ESR1: variants seen among roughly 807,000 people sequenced by gnomAD.
The protein encoded by ESR1 is estrogen receptor.
In ESR1, 12 loss-of-function variants were observed where a neutral mutation model predicts 52.7. That is an observed-to-expected ratio of 0.23 (90% CI 0.15 to 0.37). The LOEUF is 0.37. ESR1 is among the 10% of genes least tolerant of loss of function. The pLI is 1.00. For missense variants in ESR1, 584 were observed against 779.7 expected (o/e 0.75, Z 2.99); for synonymous variants, 305 against 316.8 (o/e 0.96, Z 0.39).
At chr6:151,964,440 G>C (rs1330750768) in intron 4 of ESR1, among the ~76,000 whole-genome samples, 1 of 152,000 alleles carries the variant, frequency 6.6e-6, no homozygotes, top group Non-Finnish European at 1.5e-5. Flanking sequence ...ATTGTAAATG[G>C]AATTGTTTTC....
intron 3 of ESR1, among the ~76,000 whole-genome samples, chr6:151,899,320 C>T (rs1796168257): frequency 1.6e-5 from 2 of 125,768 alleles, no homozygotes; most frequent in Admixed American, 8.0e-5. Context: ...CCACCTCCCT[C>T]CCGGACGGGG....
intron 7 of ESR1, among the ~76,000 whole-genome samples, chr6:152,096,973 C>A (rs2050659431): frequency 6.6e-6 from 1 of 152,188 alleles, no homozygotes; most frequent in Non-Finnish European, 1.5e-5. Flanking sequence ...TGCTTGTCAG[C>A]ATTAGCAAGC....
chr6:151,966,588 G>T (rs2038297852), intron 4 of ESR1, among the ~76,000 whole-genome samples: 1 of 151,232 alleles, frequency 6.6e-6, no homozygotes, highest in Admixed American at 6.6e-5. Flanking sequence ...ACCATGTTTA[G>T]AATTCTCTTA....
At chr6:151,896,151 T>C (rs941865289) in intron 3 of ESR1, among the ~76,000 whole-genome samples, 5 of 152,208 alleles carry the variant, frequency 3.3e-5, no homozygotes, top group African/African-American at 1.2e-4. Flanking sequence ...TTTCTTTTTT[T>C]GTTTTGTTCT....
At chr6:151,687,298 C>T (rs1778727598), upstream of ESR1, among the ~76,000 whole-genome samples, 1 of 152,154 alleles carries the variant, frequency 6.6e-6, no homozygotes, top group South Asian at 2.1e-4. Flanking sequence ...TGGCAATTTT[C>T]CTTAGAACGA....
intron 1 of ESR1, among the ~76,000 whole-genome samples, chr6:151,810,244 C>T (rs958719504): frequency 6.6e-6 from 1 of 151,706 alleles, no homozygotes; most frequent in Admixed American, 6.6e-5. Flanking sequence ...TATTCAAACA[C>T]TCTTAGAATA....
intron 4 of ESR1, among the ~76,000 whole-genome samples, chr6:151,959,733 G>C (rs943856027): frequency 2.6e-5 from 4 of 151,916 alleles, no homozygotes; most frequent in Admixed American, 6.6e-5. Context: ...AATTGCATTT[G>C]GTGAGAGCAA....
At chr6:151,860,496 G>A (rs1162273900) in intron 2 of ESR1, among the ~76,000 whole-genome samples, 1 of 152,048 alleles carries the variant, frequency 6.6e-6, no homozygotes, top group African/African-American at 2.4e-5. Flanking sequence ...AGTGATATAT[G>A]TATATATAAT....
intron 5 of ESR1, among the ~76,000 whole-genome samples, chr6:152,052,001 A>G (rs2046720411): frequency 6.6e-6 from 1 of 152,158 alleles, no homozygotes; most frequent in Non-Finnish European, 1.5e-5. Flanking sequence ...CAGGTAATTT[A>G]TAAAGAAAAT....
intron 1 of ESR1, among the ~76,000 whole-genome samples, chr6:151,825,531 T>C (rs1781330513): frequency 6.6e-6 from 1 of 152,188 alleles, no homozygotes; most frequent in South Asian, 2.1e-4. Flanking sequence ...TATTTCCTTT[T>C]ACTCAGTCCT....
intron 3 of ESR1, among the ~76,000 whole-genome samples, chr6:151,909,957 A>G (rs1270107774): frequency 2.0e-5 from 3 of 152,098 alleles, no homozygotes; most frequent in Admixed American, 6.6e-5. Flanking sequence ...AATCATAAGA[A>G]TCTATGAGCG....
rs559788399 is a variant in ESR1 at position 151,954,609 on chromosome 6, G to A, written c.1096+10101G>A. 4.6e-5 allele frequency among the ~76,000 whole-genome samples: 7 copies of A among 152,264 alleles called. No individual in the cohort carries two copies. In the East Asian group the frequency reaches 1.4e-3, roughly 29 times the overall value. On this transcript the variant is annotated intron_variant, in intron 4 of 7. Coordinates refer to ENST00000206249, the MANE Select transcript of ESR1 (RefSeq NM_000125.4). ...AAGTGTCTCTTCATAGAATAACATG[G>A]CACATCATAACATTTGATTCCTTTT...
rs567744122 is a variant in ESR1 at position 152,072,764 on chromosome 6, A to G, written c.1369+11640A>G. Among the ~76,000 whole-genome samples, 15 of 152,362 alleles carry G rather than the reference A, an allele frequency of 9.8e-5. No individual in the cohort carries two copies. In the Middle Eastern group the frequency reaches 0.01, roughly 104 times the overall value. The stretch of plus-strand genomic sequence containing the variant: ...GTCAGGAGGGGACTGGCAGGGGAAC[A>G]TTTATTTATTCTTTAAAATTGGAAT... On this transcript the variant is annotated intron_variant, in intron 6 of 7. Transcript: ENST00000206249.
intron 6 of ESR1, among the ~76,000 whole-genome samples, chr6:152,065,519 T>A (rs2047897437): frequency 6.6e-6 from 1 of 152,236 alleles, no homozygotes; most frequent in Non-Finnish European, 1.5e-5. Context: ...TCACATTCAA[T>A]TTAATAATTA....
At chr6:152,017,056 C>T (rs2043221818) in intron 5 of ESR1, among the ~76,000 whole-genome samples, 2 of 152,086 alleles carry the variant, frequency 1.3e-5, no homozygotes, top group South Asian at 4.1e-4. Context: ...CCTTACAAGA[C>T]CATGAGGATG....
intron 6 of ESR1, chr6:152,121,849 T>TAC (rs2051457269): frequency 6.5e-6 from 1 of 154,350 alleles, no homozygotes; most frequent in Non-Finnish European, 1.4e-5. Flanking sequence ...TTTTTCTTTA[T>TAC]ACCTCTAAAA....
intron 2 of ESR1, among the ~76,000 whole-genome samples, chr6:151,742,216 C>CACG (rs1783149040): frequency 6.6e-6 from 1 of 152,140 alleles, no homozygotes; most frequent in Admixed American, 6.5e-5. Context: ...CTGCAATGAA[C>CACG]ACGGGGGTGC....
chr6:152,006,301 C>G (rs2042326890), intron 4 of ESR1, among the ~76,000 whole-genome samples: 1 of 151,664 alleles, frequency 6.6e-6, no homozygotes. Context: ...AAGTGTTTGT[C>G]CTGTTATCGA....
chr6:151,760,002 T>C (rs1429764826), intron 2 of ESR1, among the ~76,000 whole-genome samples: 1 of 152,222 alleles, frequency 6.6e-6, no homozygotes, highest in Non-Finnish European at 1.5e-5. Flanking sequence ...GATTAGTCTA[T>C]GCATGGTTTA....
Sources: allele counts gnomAD v4.1 joint callset (sites outside exome capture counted in the v4.1 genomes callset), GRCh38; gene constraint gnomAD v4.1.1; transcripts MANE v1.5; gene names NCBI Gene and HGNC (gene_info 2026-07-23, HGNC 2026-07-21).